ST3GAL3: variants seen among roughly 807,000 people sequenced by gnomAD.
ST3GAL3 encodes CMP-N-acetylneuraminate-beta-1,4-galactoside alpha-2,3-sialyltransferase.
Under a neutral mutation model 50.1 loss-of-function variants are expected in ST3GAL3, and 21 were observed. The observed-to-expected ratio is 0.42, with a 90% CI of 0.30 to 0.60. The LOEUF (loss-of-function observed/expected upper bound fraction) is 0.60. Ranked by LOEUF, ST3GAL3 falls within the 20% of genes least tolerant of loss-of-function variation. ST3GAL3 has a pLI of 0.19. For missense variants in ST3GAL3, 353 were observed against 489.4 expected (o/e 0.72, Z 2.63); for synonymous variants, 183 against 190.0 (o/e 0.96, Z 0.30).
intron 4 of ST3GAL3, among the ~76,000 whole-genome samples, chr1:43,832,589 A>G (rs1300732978): frequency 6.6e-6 from 1 of 152,206 alleles, no homozygotes; most frequent in East Asian, 1.9e-4. Context: ...AGCAAGACCC[A>G]GCAGACCTTG....
chr1:43,824,869 AT>A, intron 4 of ST3GAL3: 1 of 885,596 alleles, frequency 1.1e-6, no homozygotes, highest in Non-Finnish European at 1.9e-6. Flanking sequence ...CAGCCTTTGC[AT>A]TAGGATTTTT....
At chr1:43,744,728 G>C (rs941179229) in intron 2 of ST3GAL3, among the ~76,000 whole-genome samples, 2 of 149,110 alleles carry the variant, frequency 1.3e-5, no homozygotes. Context: ...ATAGCCTGGC[G>C]TGGTGGTTTA....
rs35400929 is a variant in ST3GAL3, at chr1:43,714,432, C to CAAAAA, written c.-31+6758_-31+6762dup. The stretch of plus-strand genomic sequence containing the variant: ...GTGAAACCCCGTCTCTACTAAAATA[C>CAAAAA]AAAAAAAAAAAAAAAAAAAAAAATT... On this transcript the variant is annotated intron_variant, in intron 1 of 11. Transcript: ENST00000347631. Among the ~76,000 whole-genome samples the CAAAAA allele has an allele frequency of 4.1e-4, 30 of 73,736 alleles. 1 individual carries two copies. Among genetic ancestry groups the CAAAAA allele is most frequent in the Non-Finnish European group, 6.5e-4 (27 of 41,696 alleles). The allele number at this position is 73,736 out of a possible 152,430, so 48.4% of individuals were successfully genotyped here.
chr1:43,802,993 T>C (rs2059477412), intron 3 of ST3GAL3, among the ~76,000 whole-genome samples: 1 of 152,136 alleles, frequency 6.6e-6, no homozygotes, highest in African/African-American at 2.4e-5. Context: ...TGGCGCCATC[T>C]CGGCTCACTG....
At chr1:43,752,058 C>T (rs1210154721) in intron 2 of ST3GAL3, among the ~76,000 whole-genome samples, 2 of 152,160 alleles carry the variant, frequency 1.3e-5, no homozygotes, top group South Asian at 2.1e-4. Flanking sequence ...CTCAGGCTAT[C>T]CTCCTGCCTT....
rs565942918 is a variant in ST3GAL3 at position 43,752,084 on chromosome 1, G to A, written c.118+15704G>A. On this transcript the variant is annotated intron_variant, in intron 2 of 11. Coordinates refer to ENST00000347631, the MANE Select transcript of ST3GAL3 (RefSeq NM_006279.5). ...CTCCTGCCTTGGCCTCCCTAAGTGC[G>A]GGGATTACAGGTGTGAGCCACTGCG... 5.3e-5 allele frequency among the ~76,000 whole-genome samples: 8 copies of A among 152,152 alleles called. No homozygotes were observed. In the East Asian group the frequency reaches 9.7e-4, roughly 18 times the overall value.
At chr1:43,813,893 A>G (rs112848570) in intron 3 of ST3GAL3, among the ~76,000 whole-genome samples, 13,351 of 51,616 alleles carry the variant, frequency 0.26, 693 homozygotes, top group Middle Eastern at 0.35. Context: ...ACACACACAC[A>G]CGCACACACG....
chr1:43,911,475 T>C (rs1312461610), intron 9 of ST3GAL3, among the ~76,000 whole-genome samples: 1 of 151,108 alleles, frequency 6.6e-6, no homozygotes, highest in Non-Finnish European at 1.5e-5. Flanking sequence ...TTCTAGGACA[T>C]TTTTCAAGGA....
intron 5 of ST3GAL3, chr1:43,850,432 C>A: frequency 1.7e-6 from 1 of 583,370 alleles, no homozygotes; most frequent in Non-Finnish European, 3.3e-6. Context: ...CTGATGCCAG[C>A]GTTGCTCTGG....
At chr1:43,759,058 AGC>A (rs550891277) in intron 2 of ST3GAL3, among the ~76,000 whole-genome samples, 3,999 of 113,630 alleles carry the variant, frequency 0.035, 233 homozygotes, top group African/African-American at 0.12. Context: ...AACAAACAAA[AGC>A]GCGCGCACAC....
At chr1:43,926,429 A>C (rs555394729) in intron 11 of ST3GAL3, among the ~76,000 whole-genome samples, 194 of 152,242 alleles carry the variant, frequency 1.3e-3, no homozygotes, top group Non-Finnish European at 2.2e-3. Flanking sequence ...GTCTCTACTG[A>C]AAATACAAAA....
intron 9 of ST3GAL3, among the ~76,000 whole-genome samples, chr1:43,908,193 T>C (rs570665098): frequency 2.6e-5 from 4 of 152,356 alleles, no homozygotes; most frequent in African/African-American, 9.6e-5. Context: ...AGATCTTTCA[T>C]TCTCCCTTCT....
intron 3 of ST3GAL3, among the ~76,000 whole-genome samples, chr1:43,794,296 A>C (rs979123727): frequency 5.3e-5 from 8 of 152,206 alleles, no homozygotes; most frequent in African/African-American, 1.9e-4. Context: ...AATGGCCAAT[A>C]AACCCAAGAA....
chr1:43,840,723 C>T (rs887359654), intron 5 of ST3GAL3: 7 of 152,076 alleles, frequency 4.6e-5, no homozygotes, highest in African/African-American at 7.2e-5. Flanking sequence ...TTTTGTACTC[C>T]GTCCCTTTAT....
chr1:43,865,639 A>G (rs1371700029), intron 5 of ST3GAL3, among the ~76,000 whole-genome samples: 1 of 152,204 alleles, frequency 6.6e-6, no homozygotes, highest in Non-Finnish European at 1.5e-5. Context: ...ATGAAAGTCT[A>G]GGGTGCCACA....
At chr1:43,721,262 A>G (rs1260949901) in intron 1 of ST3GAL3, among the ~76,000 whole-genome samples, 3 of 151,544 alleles carry the variant, frequency 2.0e-5, no homozygotes, top group Admixed American at 1.3e-4. Context: ...GAAAAAAAAA[A>G]GAAGAAAAGA....
intron 4 of ST3GAL3, among the ~76,000 whole-genome samples, chr1:43,837,746 G>T (rs72886901): frequency 2.6e-5 from 4 of 152,156 alleles, no homozygotes; most frequent in African/African-American, 4.8e-5. Flanking sequence ...CAAGGCGAGA[G>T]GATCGCTTGA....
chr1:43,772,656 ATTTTT>A (rs879785882), intron 2 of ST3GAL3: 3 of 148,218 alleles, frequency 2.0e-5, no homozygotes, highest in Admixed American at 2.0e-4. Flanking sequence ...CCTTGCAGTG[ATTTTT>A]TTTTTAGAGA....
At chr1:43,898,632 A>G (rs907715727) in intron 7 of ST3GAL3, among the ~76,000 whole-genome samples, 7 of 152,188 alleles carry the variant, frequency 4.6e-5, no homozygotes, top group Admixed American at 2.0e-4. Flanking sequence ...GCTTAAGTCC[A>G]GAAGGCAGTG....
Sources: allele counts gnomAD v4.1 joint callset (sites outside exome capture counted in the v4.1 genomes callset), GRCh38; gene constraint gnomAD v4.1.1; transcripts MANE v1.5; gene names NCBI Gene and HGNC (gene_info 2026-07-23, HGNC 2026-07-21).